GRID1: variants seen among roughly 807,000 people sequenced by gnomAD.
The protein encoded by GRID1 is glutamate receptor ionotropic, delta-1.
Under a neutral mutation model 98.0 loss-of-function variants are expected in GRID1, and 28 were observed. That is an observed-to-expected ratio of 0.29 (90% confidence interval 0.21 to 0.39). GRID1 has a LOEUF of 0.39. GRID1 is among the 10% of genes least tolerant of loss of function. GRID1 has a pLI of 1.00. For synonymous variants in GRID1, 553 were observed against 538.5 expected, an observed-to-expected ratio of 1.03 and a Z score of -0.37; for missense variants, 1,111 against 1,340.5, an observed-to-expected ratio of 0.83 and a Z score of 2.67.
At position 85,848,454 on chromosome 10, in the gene GRID1, G is replaced by GA. The variant is rs1261485615; in HGVS notation, c.1233+6041dup. 3.3e-5 allele frequency among the ~76,000 whole-genome samples: 5 copies of GA among 152,122 alleles called. No individual in the cohort carries two copies. In the South Asian group the frequency reaches 1.0e-3, roughly 32 times the overall value. ...GTAAGTTGAGTAATGTATTTCCACT[G>GA]AAAAAATCATAGTTGTAAAGCATAG... On this transcript the variant is annotated intron_variant, in intron 8 of 15. Transcript: ENST00000327946.
intron 4 of GRID1, among the ~76,000 whole-genome samples, chr10:86,010,049 C>A (rs1426536060): frequency 2.3e-5 from 3 of 132,848 alleles, no homozygotes; most frequent in Non-Finnish European, 5.2e-5. Context: ...AATAGCCAGG[C>A]AACTCTCAAA....
At chr10:86,163,152 C>T (rs1323013471) in intron 3 of GRID1, among the ~76,000 whole-genome samples, 1 of 152,200 alleles carries the variant, frequency 6.6e-6, no homozygotes, top group Non-Finnish European at 1.5e-5. Context: ...GCCCTTTATG[C>T]ATCCCAGGTT....
chr10:85,924,729 A>G (rs1045344370), intron 4 of GRID1, among the ~76,000 whole-genome samples: 1 of 152,246 alleles, frequency 6.6e-6, no homozygotes, highest in Non-Finnish European at 1.5e-5. Flanking sequence ...AGAAAGAATA[A>G]TTGACTAAAT....
chr10:86,081,991 A>G (rs1843984919), intron 4 of GRID1, among the ~76,000 whole-genome samples: 1 of 152,230 alleles, frequency 6.6e-6, no homozygotes, highest in African/African-American at 2.4e-5. Context: ...AATGTGAACT[A>G]TGAACTTTGT....
At chr10:86,338,244 T>G (rs114638164) in intron 2 of GRID1, among the ~76,000 whole-genome samples, 1 of 149,136 alleles carries the variant, frequency 6.7e-6, no homozygotes, top group Non-Finnish European at 1.5e-5. Flanking sequence ...GATTGGTTCA[T>G]GGATAAGCAC....
chr10:85,619,547 GTC>G, intron 14 of GRID1, among the ~76,000 whole-genome samples: 1 of 152,220 alleles, frequency 6.6e-6, no homozygotes, highest in Non-Finnish European at 1.5e-5. Flanking sequence ...GATATCCTGG[GTC>G]TGGTGAGATG....
At chr10:86,165,181 C>T (rs1436783520) in intron 3 of GRID1, among the ~76,000 whole-genome samples, 1 of 152,256 alleles carries the variant, frequency 6.6e-6, no homozygotes, top group Non-Finnish European at 1.5e-5. Context: ...GAGGGATACT[C>T]GCAGTGCACA....
chr10:85,978,083 C>CT (rs1182417593), intron 4 of GRID1, among the ~76,000 whole-genome samples: 2 of 152,186 alleles, frequency 1.3e-5, no homozygotes, highest in Admixed American at 1.3e-4. Flanking sequence ...CTGGGTTATC[C>CT]TTATAGTTCT....
At chr10:86,172,267 T>C (rs555411223) in intron 3 of GRID1, among the ~76,000 whole-genome samples, 2 of 152,372 alleles carry the variant, frequency 1.3e-5, no homozygotes, top group East Asian at 3.9e-4. Flanking sequence ...TGGTCTTTAG[T>C]GGCTAGCTTC....
chr10:85,850,645 T>C (rs766063271), intron 8 of GRID1, among the ~76,000 whole-genome samples: 34 of 152,310 alleles, frequency 2.2e-4, no homozygotes, highest in Admixed American at 3.9e-4. Context: ...TGTGCCTCTC[T>C]GCTCTTGTGG....
intron 4 of GRID1, among the ~76,000 whole-genome samples, chr10:86,126,460 C>CAA (rs142558184): frequency 4.0e-5 from 6 of 151,192 alleles, no homozygotes; most frequent in African/African-American, 9.7e-5. Context: ...GTCTCAAAAA[C>CAA]AAAAAAAAGA....
At chr10:85,907,101 A>C (rs1483769085) in intron 5 of GRID1, among the ~76,000 whole-genome samples, 2 of 152,114 alleles carry the variant, frequency 1.3e-5, no homozygotes, top group Admixed American at 6.5e-5. Flanking sequence ...CATACCTATA[A>C]GTTTTTTTGT....
intron 3 of GRID1, among the ~76,000 whole-genome samples, chr10:86,160,098 T>A (rs1401865916): frequency 6.6e-6 from 1 of 152,082 alleles, no homozygotes; most frequent in African/African-American, 2.4e-5. Context: ...CAACTGTCCA[T>A]GCCATACCTC....
At chr10:86,328,154 G>A (rs1279607246) in intron 2 of GRID1, among the ~76,000 whole-genome samples, 1 of 152,152 alleles carries the variant, frequency 6.6e-6, no homozygotes, top group African/African-American at 2.4e-5. Flanking sequence ...AATAGGTGTA[G>A]TCAGCATTAT....
intron 4 of GRID1, among the ~76,000 whole-genome samples, chr10:86,060,276 C>T (rs965335131): frequency 1.3e-5 from 2 of 152,156 alleles, no homozygotes; most frequent in Non-Finnish European, 2.9e-5. Flanking sequence ...CAAGTTGACC[C>T]CCTCCCCTAA....
intron 8 of GRID1, among the ~76,000 whole-genome samples, chr10:85,813,059 A>G (rs1344254996): frequency 6.6e-6 from 1 of 151,846 alleles, no homozygotes; most frequent in Non-Finnish European, 1.5e-5. Context: ...AAGAAGGGGG[A>G]AAAGATTGAA....
At chr10:86,044,291 G>T (rs1042674989) in intron 4 of GRID1, among the ~76,000 whole-genome samples, 2 of 152,162 alleles carry the variant, frequency 1.3e-5, no homozygotes, top group African/African-American at 4.8e-5. Flanking sequence ...GACCTGCTTC[G>T]TTTCCCTACT....
At chr10:86,156,223 A>C (rs1419289497) in intron 3 of GRID1, among the ~76,000 whole-genome samples, 1 of 152,176 alleles carries the variant, frequency 6.6e-6, no homozygotes, top group African/African-American at 2.4e-5. Context: ...CTTCCTCTGG[A>C]AACAGCTCCC....
chr10:85,631,382 G>C (rs1372659384), intron 13 of GRID1, among the ~76,000 whole-genome samples: 11 of 152,162 alleles, frequency 7.2e-5, no homozygotes, highest in Admixed American at 7.2e-4. Flanking sequence ...TCAAGCTTTT[G>C]TTAATGACAT....
Sources: gnomAD v4.1 joint callset for allele counts (sites outside exome capture counted in the v4.1 genomes callset) on GRCh38, gnomAD v4.1.1 for gene constraint, MANE v1.5 for transcripts, NCBI Gene and HGNC (gene_info 2026-07-23, HGNC 2026-07-21) for gene names.